The following ZNF827 variants were observed in gnomAD, a reference collection of about 807,000 sequenced individuals.
The protein encoded by ZNF827 is zinc finger protein 827.
Under a neutral mutation model 102.4 loss-of-function variants are expected in ZNF827, and 13 were observed. The observed-to-expected ratio is 0.13, with a 90% CI of 0.08 to 0.20. The LOEUF is 0.20. ZNF827 is among the 10% of genes least tolerant of loss of function. The pLI is 1.00. For synonymous variants in ZNF827, 523 were observed against 536.2 expected (o/e 0.98, Z 0.34); for missense variants, 1,103 against 1,344.4 (o/e 0.82, Z 2.81).
At chr4:145,809,586 G>A (rs1042942482) in intron 8 of ZNF827, among the ~76,000 whole-genome samples, 3 of 152,164 alleles carry the variant, frequency 2.0e-5, no homozygotes, top group African/African-American at 4.8e-5. Flanking sequence ...GAGTCACGTG[G>A]CCAGAGGTCA....
At chr4:145,797,057 C>T (rs772375387) in intron 8 of ZNF827, among the ~76,000 whole-genome samples, 2 of 152,060 alleles carry the variant, frequency 1.3e-5, no homozygotes, top group Admixed American at 6.5e-5. Flanking sequence ...TGTGGGCGGT[C>T]GGGGGGCTTC....
chr4:145,793,227 C>T (rs1327468867), intron 8 of ZNF827, among the ~76,000 whole-genome samples: 3 of 125,690 alleles, frequency 2.4e-5, no homozygotes, highest in African/African-American at 6.0e-5. Flanking sequence ...ATTAGGGTTC[C>T]CTAGAGTGAC....
chr4:145,764,230 C>T (rs899621310), intron 13 of ZNF827, among the ~76,000 whole-genome samples: 2 of 152,194 alleles, frequency 1.3e-5, no homozygotes, highest in African/African-American at 4.8e-5. Context: ...CTTTACCAGA[C>T]CCTAAGTGCC....
intron 1 of ZNF827, among the ~76,000 whole-genome samples, chr4:145,917,533 G>C (rs573979707): frequency 3.4e-4 from 52 of 151,684 alleles, no homozygotes; most frequent in Middle Eastern, 3.4e-3. Context: ...ACCTCTTAAA[G>C]GCCCCATCTC....
In ZNF827 at chr4:145,938,788, C is replaced by T. The variant is rs1355415841; in HGVS notation, c.-381G>A. ...GTGCCGGTGCGGCGGTGTCTATGGC[C>T]GCGCTCTGTGTCTCCGAGCCCCTAA... On this transcript the variant is annotated 5_prime_UTR_variant, in exon 1 of 15. Coordinates refer to ENST00000508784, the MANE Select transcript of ZNF827 (RefSeq NM_001306215.2). Among the ~76,000 whole-genome samples, 1 of 151,862 alleles carries T rather than the reference C, an allele frequency of 6.6e-6. No individual in the cohort carries two copies. Among genetic ancestry groups the T allele is most frequent in the African/African-American group, 2.4e-5 (1 of 41,310 alleles).
chr4:145,762,758 CTT>C lies in ZNF827; in HGVS notation c.*17+330_*17+331del, dbSNP rs1263510578. On this transcript the variant is annotated intron_variant, in intron 14 of 14. Coordinates refer to ENST00000508784, the MANE Select transcript of ZNF827 (RefSeq NM_001306215.2). This position sits in a 1 kb window ranked among gnomAD's most constrained non-coding sequence, Gnocchi z 4.9. ...TGTTAACAAACTCTGCTGAGCCTCT[CTT>C]TTAGAAGCTGCCAGGCTGGAGTCAG... Among the ~76,000 whole-genome samples the C allele has an allele frequency of 6.6e-6, 1 of 152,226 alleles. No individual in the cohort carries two copies. Among genetic ancestry groups the C allele is most frequent in the Non-Finnish European group, 1.5e-5 (1 of 68,042 alleles).
intron 8 of ZNF827, among the ~76,000 whole-genome samples, chr4:145,781,952 G>A (rs976614376): frequency 1.3e-5 from 2 of 152,138 alleles, no homozygotes; most frequent in African/African-American, 4.8e-5. Flanking sequence ...TCATGTACTC[G>A]AGAAGCTGAA....
At chr4:145,858,777 GCA>G (rs1747426312) in intron 5 of ZNF827, among the ~76,000 whole-genome samples, 3 of 152,124 alleles carry the variant, frequency 2.0e-5, no homozygotes, top group Admixed American at 6.6e-5. Context: ...ATTGCTTTAT[GCA>G]CAGAGGGATT....
chr4:145,854,674 T>C (rs1174034412), intron 5 of ZNF827, among the ~76,000 whole-genome samples: 1 of 152,228 alleles, frequency 6.6e-6, no homozygotes, highest in Non-Finnish European at 1.5e-5. Flanking sequence ...TCCAGTTGCT[T>C]CAACAGAGCA....
chr4:145,872,876 AAAAAAC>A (rs1015341772), intron 4 of ZNF827, among the ~76,000 whole-genome samples: 10 of 151,864 alleles, frequency 6.6e-5, no homozygotes, highest in Non-Finnish European at 7.4e-5. Flanking sequence ...TTCTGTCTCA[AAAAAAC>A]AAAAACAAAA....
intron 1 of ZNF827, among the ~76,000 whole-genome samples, chr4:145,923,822 C>G (rs954532775): frequency 6.6e-6 from 1 of 152,100 alleles, no homozygotes; most frequent in Non-Finnish European, 1.5e-5. Flanking sequence ...TTAATCTCTA[C>G]CATGATATAG....
intron 7 of ZNF827, chr4:145,835,432 C>T (rs1332364217): frequency 2.0e-5 from 3 of 151,486 alleles, no homozygotes; most frequent in Admixed American, 1.3e-4. Context: ...AACTCCCCAA[C>T]TCTGGTGCCA....
chr4:145,909,572 G>A (rs1752119815), intron 1 of ZNF827, among the ~76,000 whole-genome samples: 1 of 152,166 alleles, frequency 6.6e-6, no homozygotes, highest in African/African-American at 2.4e-5. Context: ...CCCTCCATGG[G>A]CCTATCACTG....
At chr4:145,825,743 C>T (rs1456700945) in intron 7 of ZNF827, among the ~76,000 whole-genome samples, 1 of 152,120 alleles carries the variant, frequency 6.6e-6, no homozygotes, top group African/African-American at 2.4e-5. Context: ...TGGATTCCTG[C>T]TGATGTGAGG....
intron 5 of ZNF827, among the ~76,000 whole-genome samples, chr4:145,860,555 T>C (rs968632430): frequency 3.3e-5 from 5 of 152,232 alleles, no homozygotes; most frequent in African/African-American, 1.2e-4. Context: ...ACATAAATTC[T>C]ATAACCTTCC....
intron 1 of ZNF827, among the ~76,000 whole-genome samples, chr4:145,937,476 A>G (rs933894437): frequency 2.0e-5 from 3 of 150,276 alleles, no homozygotes; most frequent in African/African-American, 7.3e-5. Flanking sequence ...GCGCGCCGCG[A>G]GCCGCCCTGC....
chr4:145,810,842 T>C (rs1487872214), intron 8 of ZNF827, among the ~76,000 whole-genome samples: 1 of 152,212 alleles, frequency 6.6e-6, no homozygotes, highest in African/African-American at 2.4e-5. Context: ...TTTCAGGTCT[T>C]TATGCTGCAA....
rs954966818 is a variant in ZNF827, at chr4:145,765,686, G to C, written c.2913C>G (p.Leu971=). ...SESNSPSSSS[L]SALSDSANSK... Reference sequence around the variant, plus strand: ...TGTTGGCTGAATCACTCAGAGCTGAGAGGGAGGATGAAGAGGGGCTATTTG... The same window carrying C: ...TGTTGGCTGAATCACTCAGAGCTGACAGGGAGGATGAAGAGGGGCTATTTG... The change falls in exon 12 of 15, where the codon CTC becomes CTG. Residue 971 remains leucine (L), a synonymous_variant. Coordinates refer to ENST00000508784, the MANE Select transcript of ZNF827 (RefSeq NM_001306215.2). The surrounding 1 kb of genome is among the most constrained non-coding windows in gnomAD (Gnocchi z 4.7). 3 of 1,614,098 alleles carry C rather than the reference G, an allele frequency of 1.9e-6. No individual in the cohort carries two copies. The highest frequency in any genetic ancestry group is 1.7e-5 in the Admixed American group (1 of 60,002).
Position 145,938,488 on chromosome 4 carries a change from G to T in ZNF827, c.-81C>A. 1.6e-6 allele frequency: 2 copies of T among 1,266,696 alleles called. No homozygotes were observed. The highest frequency in any genetic ancestry group is 2.2e-6 in the Non-Finnish European group (2 of 893,408). 78.5% of individuals were successfully genotyped at this position (1,266,696 alleles called of 1,614,324 possible). ...CGTGGGGGCAGAGAGGCAGACACTG[G>T]CAGGAGCGGGGAGGTAGTTGGGGGG... is the stretch of plus-strand genomic sequence containing the variant. On this transcript the variant is annotated 5_prime_UTR_variant, in exon 1 of 15. Transcript: ENST00000508784.
Sources: allele counts gnomAD v4.1 joint callset (sites outside exome capture counted in the v4.1 genomes callset), GRCh38; gene constraint gnomAD v4.1.1; non-coding constraint Gnocchi (gnomAD v3.1); transcripts MANE v1.5; gene names NCBI Gene and HGNC (gene_info 2026-07-23, HGNC 2026-07-21).